Variants in DGKH observed in about 807,000 individuals in gnomAD.
DGKH encodes the protein DAG kinase eta.
A neutral mutation model predicts 159.3 loss-of-function variants in DGKH; 90 were observed. The ratio of observed to expected loss-of-function variants is 0.57; its 90% CI spans 0.48 to 0.67. The LOEUF (loss-of-function observed/expected upper bound fraction) is 0.67. DGKH is among the 30% of genes least tolerant of loss of function. The probability of loss-of-function intolerance (pLI) is 0.00; values close to 1 mark genes in which losing one functional copy is unlikely to be tolerated. For missense variants in DGKH, 1,181 were observed against 1,506.1 expected (o/e 0.78, Z 3.57); for synonymous variants, 536 against 553.8 (o/e 0.97, Z 0.45).
At chr13:42,137,686 G>A (rs943720890) in intron 3 of DGKH, among the ~76,000 whole-genome samples, 8 of 152,176 alleles carry the variant, frequency 5.3e-5, no homozygotes, top group African/African-American at 1.9e-4. Context: ...TTGCTGGTCA[G>A]ACTACAAATT....
At chr13:42,093,244 C>CAAAA (rs111570773) in intron 1 of DGKH, among the ~76,000 whole-genome samples, 1 of 95,228 alleles carries the variant, frequency 1.1e-5, no homozygotes, top group African/African-American at 4.0e-5. Context: ...ACTCTGTCTC[C>CAAAA]AAAAAAAAAA....
At chr13:42,067,689 TTTAA>T (rs761914575) in intron 1 of DGKH, among the ~76,000 whole-genome samples, 12 of 151,922 alleles carry the variant, frequency 7.9e-5, no homozygotes, top group East Asian at 7.8e-4. Context: ...TTATAGTTGA[TTTAA>T]TTAATTAATT....
At chr13:42,197,218 C>A (rs1263003444) in intron 17 of DGKH, among the ~76,000 whole-genome samples, 1 of 118,860 alleles carries the variant, frequency 8.4e-6, no homozygotes, top group Admixed American at 1.0e-4. Flanking sequence ...CTACTATACT[C>A]CAGCCTGGGC....
chr13:42,055,442 CATT>C (rs2137652983), intron 1 of DGKH, among the ~76,000 whole-genome samples: 1 of 152,240 alleles, frequency 6.6e-6, no homozygotes, highest in East Asian at 1.9e-4. Context: ...CATGATATCC[CATT>C]ATTAAAGATA....
chr13:42,059,842 T>G (rs1399184866), intron 1 of DGKH, among the ~76,000 whole-genome samples: 1 of 152,142 alleles, frequency 6.6e-6, no homozygotes, highest in Non-Finnish European at 1.5e-5. Flanking sequence ...TGGATGCTAT[T>G]GACCACATCT....
intron 24 of DGKH, among the ~76,000 whole-genome samples, chr13:42,213,904 G>A (rs1957726333): frequency 6.6e-6 from 1 of 152,180 alleles, no homozygotes; most frequent in South Asian, 2.1e-4. Context: ...TACCAGTGGA[G>A]TATGGCACAA....
chr13:42,247,892 TAA>T (rs1249567294), downstream of DGKH, among the ~76,000 whole-genome samples: 1 of 152,206 alleles, frequency 6.6e-6, no homozygotes, highest in Admixed American at 6.5e-5. Flanking sequence ...TGTTTTAATC[TAA>T]GTGTTAGTAC....
At chr13:42,159,170 C>G in intron 5 of DGKH, 96 bp from the exon 6 acceptor site, 1 of 647,802 alleles carries the variant, frequency 1.5e-6, no homozygotes, top group Non-Finnish European at 2.5e-6. Flanking sequence ...TTCCTCCTTC[C>G]CTTTTAAAAT....
intron 1 of DGKH, among the ~76,000 whole-genome samples, chr13:42,096,659 C>T (rs1430160979): frequency 6.6e-6 from 1 of 152,170 alleles, no homozygotes; most frequent in Non-Finnish European, 1.5e-5. Flanking sequence ...TAATGTCATG[C>T]ATTGCACATT....
intron 13 of DGKH, among the ~76,000 whole-genome samples, chr13:42,179,913 A>G (rs1440653239): frequency 1.3e-5 from 2 of 152,198 alleles, no homozygotes; most frequent in Non-Finnish European, 1.5e-5. Context: ...TTGCATCTGT[A>G]GAAATTTCTT....
At position 42,199,912 on chromosome 13, in the gene DGKH, A is replaced by G; in HGVS notation, c.2493+3A>G. The G allele has an allele frequency of 2.5e-6, 4 of 1,597,878 alleles. No homozygotes were observed. Among genetic ancestry groups the G allele is most frequent in the Non-Finnish European group, 3.4e-6 (4 of 1,174,570 alleles). The stretch of plus-strand genomic sequence containing the variant: ...TAGAACAAAGGGTTCAACTTGAGGT[A>G]AGTTCATCTTAAAGTAAAGATATTT... On this transcript the variant is annotated splice_donor_region_variant and intron_variant, in intron 20 of 29. Transcript: ENST00000337343.
intron 1 of DGKH, among the ~76,000 whole-genome samples, chr13:42,074,310 A>C (rs1268175339): frequency 2.0e-5 from 3 of 152,168 alleles, no homozygotes; most frequent in Admixed American, 2.0e-4. Context: ...AAACCCTATT[A>C]TTCTTACAGC....
At chr13:42,203,396 C>G (rs553136750) in intron 20 of DGKH, among the ~76,000 whole-genome samples, 1 of 152,248 alleles carries the variant, frequency 6.6e-6, no homozygotes, top group East Asian at 1.9e-4. Context: ...TACTGACTTC[C>G]CACATGTGTT....
chr13:42,253,268 G>C (rs1425619063), intron 30 of DGKH, among the ~76,000 whole-genome samples: 2 of 152,010 alleles, frequency 1.3e-5, no homozygotes, highest in African/African-American at 4.8e-5. Context: ...CCTCGAATGG[G>C]ATTAATGCCC....
chr13:42,119,805 A>G (rs1011312354), intron 1 of DGKH, among the ~76,000 whole-genome samples: 1 of 152,182 alleles, frequency 6.6e-6, no homozygotes, highest in Non-Finnish European at 1.5e-5. Context: ...TGAATACTTC[A>G]TATTCCTTTC....
At chr13:42,183,562 T>G (rs1956831717) in intron 13 of DGKH, among the ~76,000 whole-genome samples, 1 of 152,252 alleles carries the variant, frequency 6.6e-6, no homozygotes, top group Admixed American at 6.5e-5. Context: ...CTGTTTGTAT[T>G]TATTTCATGC....
intron 1 of DGKH, among the ~76,000 whole-genome samples, chr13:42,109,164 T>A (rs956518399): frequency 6.6e-6 from 1 of 152,146 alleles, no homozygotes; most frequent in African/African-American, 2.4e-5. Flanking sequence ...ACATTTACTG[T>A]CTAATAAAGG....
At chr13:42,144,681 CAAA>C (rs767172052) in intron 3 of DGKH, among the ~76,000 whole-genome samples, 2 of 101,620 alleles carry the variant, frequency 2.0e-5, no homozygotes, top group Admixed American at 1.1e-4. Context: ...GACTGTGTCT[CAAA>C]AAAAAAAAAA....
chr13:42,072,071 G>T (rs765429495), intron 1 of DGKH, among the ~76,000 whole-genome samples: 1 of 152,120 alleles, frequency 6.6e-6, no homozygotes, highest in Non-Finnish European at 1.5e-5. Flanking sequence ...TTGCTCCTAT[G>T]AGTTCATATT....
Sources: gnomAD v4.1 joint callset for allele counts (sites outside exome capture counted in the v4.1 genomes callset) on GRCh38, gnomAD v4.1.1 for gene constraint, MANE v1.5 for transcripts, NCBI Gene and HGNC (gene_info 2026-07-23, HGNC 2026-07-21) for gene names.